Variants in CNTN6 observed in about 807,000 individuals in gnomAD.
The protein encoded by CNTN6 is contactin 6, also known as contactin-6.
A neutral mutation model predicts 122.8 loss-of-function variants in CNTN6; 137 were observed. The ratio of observed to expected loss-of-function variants is 1.12; its 90% CI spans 0.97 to 1.29. CNTN6 has a LOEUF of 1.29. Among genes scored for constraint, CNTN6 ranks in the 50% most tolerant of loss-of-function variants. The probability of loss-of-function intolerance (pLI) is 0.00; values close to 1 mark genes in which losing one functional copy is unlikely to be tolerated. For synonymous variants in CNTN6, 570 were observed against 426.0 expected, an observed-to-expected ratio of 1.34 and a Z score of -4.16; for missense variants, 1,634 against 1,223.4, an observed-to-expected ratio of 1.34 and a Z score of -5.01.
chr3:1,228,069 T>A, intron 4 of CNTN6, 76 bp downstream of exon 4: 1 of 1,393,130 alleles, frequency 7.2e-7, no homozygotes. Context: ...TTTAAAAATC[T>A]AGCTTTGCCA....
intron 11 of CNTN6, 22 bp from the exon 12 acceptor site, chr3:1,352,302 T>A: frequency 1.3e-6 from 2 of 1,488,318 alleles, no homozygotes; most frequent in Non-Finnish European, 1.8e-6. Flanking sequence ...TTACTTCTAT[T>A]AATGATGTAT....
chr3:1,179,228 G>A (rs993597744), intron 2 of CNTN6, among the ~76,000 whole-genome samples: 1 of 152,126 alleles, frequency 6.6e-6, no homozygotes, highest in Non-Finnish European at 1.5e-5. Context: ...CCATTCATGA[G>A]GGATCTGCCC....
At chr3:1,278,337 A>G (rs1692785708) in intron 4 of CNTN6, 76 bp from the exon 5 acceptor site, 2 of 1,050,744 alleles carry the variant, frequency 1.9e-6, no homozygotes, top group African/African-American at 1.6e-5. Flanking sequence ...TAATAAAAAC[A>G]TTCTTGAGAT....
intron 2 of CNTN6, among the ~76,000 whole-genome samples, chr3:1,190,841 G>C (rs1052192539): frequency 6.6e-6 from 1 of 152,102 alleles, no homozygotes; most frequent in Non-Finnish European, 1.5e-5. Context: ...TCTGAGATTA[G>C]TTTTCCCAAA....
chr3:1,093,633 G>C (rs897198793), intron 1 of CNTN6, among the ~76,000 whole-genome samples: 3 of 152,056 alleles, frequency 2.0e-5, no homozygotes, highest in African/African-American at 7.2e-5. Context: ...TTGGTAAGGG[G>C]AGCAAAGCAA....
chr3:1,151,276 T>G (rs78244186), intron 2 of CNTN6, among the ~76,000 whole-genome samples: 4,346 of 152,190 alleles, frequency 0.029, 216 homozygotes, highest in African/African-American at 0.099. Context: ...ATGAATGAAT[T>G]AATTAATTAC....
chr3:1,134,567 C>T (rs959554964), intron 1 of CNTN6, among the ~76,000 whole-genome samples: 1 of 152,090 alleles, frequency 6.6e-6, no homozygotes, highest in African/African-American at 2.4e-5. Context: ...TCCCAAGTCA[C>T]CTACATTCAG....
chr3:1,313,492 G>A (rs985904187), intron 7 of CNTN6, among the ~76,000 whole-genome samples: 1 of 152,006 alleles, frequency 6.6e-6, no homozygotes, highest in Non-Finnish European at 1.5e-5. Flanking sequence ...CTCTTCCTGT[G>A]TACTCATTCT....
At chr3:1,318,150 T>C (rs1337583881) in intron 7 of CNTN6, among the ~76,000 whole-genome samples, 1 of 151,048 alleles carries the variant, frequency 6.6e-6, no homozygotes, top group African/African-American at 2.4e-5. Context: ...GAAAGAAAAT[T>C]CTAGAGGAGT....
chr3:1,281,468 T>C (rs1693418860), intron 5 of CNTN6, among the ~76,000 whole-genome samples: 3 of 36,636 alleles, frequency 8.2e-5, no homozygotes, highest in African/African-American at 1.7e-4. Flanking sequence ...AGTTGACTTT[T>C]TTTTTTTTTT....
At chr3:1,396,645 T>C (rs557586372) in intron 20 of CNTN6, among the ~76,000 whole-genome samples, 26 of 152,356 alleles carry the variant, frequency 1.7e-4, no homozygotes, top group African/African-American at 5.5e-4. Flanking sequence ...TGTGTTATTA[T>C]ACTCCTCCTT....
At position 1,215,506 on chromosome 3, in the gene CNTN6, G is replaced by A. The variant is rs11924842; in HGVS notation, c.56-5181G>A. 2.2e-4 allele frequency among the ~76,000 whole-genome samples: 33 copies of A among 152,138 alleles called. No individual in the cohort carries two copies. In the East Asian group the frequency reaches 6.4e-3, roughly 29 times the overall value. The stretch of plus-strand genomic sequence containing the variant: ...TACAGTTTGCATCCTTAGGTTCATG[G>A]TCTCCAAATTTATCTGGTTCTATTG... On this transcript the variant is annotated intron_variant, in intron 2 of 22. Coordinates refer to ENST00000446702, the MANE Select transcript of CNTN6 (RefSeq NM_001289080.2).
chr3:1,206,552 GTAGTAT>G lies in CNTN6; in HGVS notation c.56-14134_56-14129del, dbSNP rs2093960193. ...ATGCCCAGAATCATGTCAATATAAT[GTAGTAT>G]CCCATCTCAACCAAATGCACCATTG... is the stretch of plus-strand genomic sequence containing the variant. On this transcript the variant is annotated intron_variant, in intron 2 of 22. Coordinates refer to ENST00000446702, the MANE Select transcript of CNTN6 (RefSeq NM_001289080.2). Among the ~76,000 whole-genome samples the G allele has an allele frequency of 5.3e-5, 8 of 152,198 alleles. No homozygotes were observed. In the South Asian group the frequency reaches 1.7e-3, roughly 32 times the overall value.
At chr3:1,192,375 T>C (rs1210527565) in intron 2 of CNTN6, among the ~76,000 whole-genome samples, 2 of 152,154 alleles carry the variant, frequency 1.3e-5, no homozygotes, top group African/African-American at 4.8e-5. Context: ...CTTTCAAAAC[T>C]TAAAATTAAT....
At chr3:1,140,314 T>C (rs2092580033) in intron 1 of CNTN6, among the ~76,000 whole-genome samples, 1 of 152,250 alleles carries the variant, frequency 6.6e-6, no homozygotes, top group East Asian at 1.9e-4. Flanking sequence ...GCTGGAGCTA[T>C]GCTTTGGTGA....
chr3:1,181,356 G>A (rs3772363), intron 2 of CNTN6, among the ~76,000 whole-genome samples: 12,641 of 152,162 alleles, frequency 0.083, 1,423 homozygotes, highest in East Asian at 0.47. Context: ...ACAGAAAAAG[G>A]AGATGACTTC....
chr3:1,109,725 G>A lies in CNTN6; in HGVS notation c.-83+16605G>A, dbSNP rs561107529. ...TTCTATTTTTACCCAAGTTGTTGAT[G>A]ATCTTCTGAGATCCATCTGAACAGA... On this transcript the variant is annotated intron_variant, in intron 1 of 22. Coordinates refer to ENST00000446702, the MANE Select transcript of CNTN6 (RefSeq NM_001289080.2). Among the ~76,000 whole-genome samples, 9 of 151,984 alleles carry A rather than the reference G, an allele frequency of 5.9e-5. No homozygotes were observed. The South Asian group carries it at 1.9e-3, about 32-fold the overall frequency.
intron 4 of CNTN6, among the ~76,000 whole-genome samples, chr3:1,275,463 C>A (rs1692165810): frequency 6.6e-6 from 1 of 152,178 alleles, no homozygotes; most frequent in South Asian, 2.1e-4. Context: ...CACCCTCTCT[C>A]TCATATCTGT....
chr3:1,251,173 C>T (rs1318518200), intron 4 of CNTN6, among the ~76,000 whole-genome samples: 1 of 152,154 alleles, frequency 6.6e-6, no homozygotes, highest in African/African-American at 2.4e-5. Context: ...TGACTTCTTT[C>T]GTTCTGTTGC....
Sources: gnomAD v4.1 joint callset for allele counts (sites outside exome capture counted in the v4.1 genomes callset) on GRCh38, gnomAD v4.1.1 for gene constraint, MANE v1.5 for transcripts, NCBI Gene and HGNC (gene_info 2026-07-23, HGNC 2026-07-21) for gene names.